The following FSTL4 variants were observed in gnomAD, a reference collection of about 807,000 sequenced individuals.
The protein encoded by FSTL4 is follistatin-related protein 4.
Under a neutral mutation model 78.2 loss-of-function variants are expected in FSTL4, and 28 were observed. That is an observed-to-expected ratio of 0.36 (90% CI 0.27 to 0.49). FSTL4 has a LOEUF of 0.49. Among genes scored for constraint, FSTL4 ranks in the 20% least tolerant of loss-of-function variants. The pLI, the probability that FSTL4 is intolerant of heterozygous loss-of-function variation, is 0.98. For missense variants in FSTL4, 922 were observed against 1,084.9 expected (o/e 0.85, Z 2.11); for synonymous variants, 422 against 440.5 (o/e 0.96, Z 0.53).
intron 4 of FSTL4, among the ~76,000 whole-genome samples, chr5:133,332,105 C>G (rs1411102111): frequency 6.6e-6 from 1 of 152,212 alleles, no homozygotes; most frequent in Non-Finnish European, 1.5e-5. Context: ...TGGGGATAAA[C>G]AGCAAACCAG....
the FSTL4 span, among the ~76,000 whole-genome samples, chr5:133,827,462 AGT>A: frequency 6.6e-6 from 1 of 152,136 alleles, no homozygotes; most frequent in Non-Finnish European, 1.5e-5. Context: ...GGATGCAGAT[AGT>A]CTTGGGACCA....
chr5:133,411,120 G>T (rs1580691582), intron 3 of FSTL4, among the ~76,000 whole-genome samples: 1 of 152,234 alleles, frequency 6.6e-6, no homozygotes, highest in East Asian at 1.9e-4. Context: ...AGCTCACAGG[G>T]TCAGCAATTG....
chr5:133,650,754 G>A, the FSTL4 span, among the ~76,000 whole-genome samples: 213 of 152,254 alleles, frequency 1.4e-3, no homozygotes, highest in Middle Eastern at 3.4e-3. Flanking sequence ...CTTCAACATT[G>A]TTCTGGCTAT....
rs577483945 is a variant in FSTL4, at chr5:133,556,775, C to A, written c.160+10411G>T. ...GCCCATTTAGAAGCAGCCAGCCCAG[C>A]GAGCCTCCACCAACCCCTTCCCAAG... On this transcript the variant is annotated intron_variant, in intron 3 of 15. Coordinates refer to ENST00000265342, the MANE Select transcript of FSTL4 (RefSeq NM_015082.2). 5.9e-5 allele frequency among the ~76,000 whole-genome samples: 9 copies of A among 152,180 alleles called. No homozygotes were observed. In the South Asian group the frequency reaches 1.9e-3, roughly 32 times the overall value.
intron 3 of FSTL4, among the ~76,000 whole-genome samples, chr5:133,558,664 G>A (rs1019575391): frequency 3.3e-5 from 5 of 151,554 alleles, no homozygotes; most frequent in African/African-American, 4.9e-5. Flanking sequence ...AGGCCCTGAC[G>A]CATTTCTTGG....
chr5:133,517,874 C>T (rs557722168), intron 3 of FSTL4, among the ~76,000 whole-genome samples: 10 of 152,232 alleles, frequency 6.6e-5, no homozygotes, highest in African/African-American at 2.2e-4. Flanking sequence ...CTCTTCTTTG[C>T]GGGAGCTAAG....
rs779188824 is a variant in FSTL4 at position 133,199,674 on chromosome 5, G to T, written c.1950C>A (p.Thr650=). 8.1e-6 allele frequency: 13 copies of T among 1,614,142 alleles called. No individual in the cohort carries two copies. Among genetic ancestry groups the T allele is most frequent in the Non-Finnish European group, 1.0e-5 (12 of 1,180,000 alleles). The part of the protein sequence containing the change: ...HGCVPQAMAH[T]HLGGYFFIQC... Reference sequence around the variant, plus strand: ...GGATGAAGAAGTAGCCGCCCAGGTGGGTGTGTGCCATGGCCTGGGGCACGC... The same window carrying T: ...GGATGAAGAAGTAGCCGCCCAGGTGTGTGTGTGCCATGGCCTGGGGCACGC... Residue 650 remains threonine, a synonymous_variant, in exon 16 of 16, where the codon ACC becomes ACA. Transcript: ENST00000265342. The surrounding 1 kb of genome is among the most constrained non-coding windows in gnomAD (Gnocchi z 4.4).
intron 4 of FSTL4, among the ~76,000 whole-genome samples, chr5:133,372,957 C>T (rs997593213): frequency 2.0e-5 from 3 of 152,070 alleles, no homozygotes; most frequent in Non-Finnish European, 4.4e-5. Context: ...TGCTATGGAC[C>T]GAATGTGTCT....
At chr5:133,322,126 T>G (rs1754074025) in intron 4 of FSTL4, among the ~76,000 whole-genome samples, 1 of 152,068 alleles carries the variant, frequency 6.6e-6, no homozygotes, top group Non-Finnish European at 1.5e-5. Flanking sequence ...CCCTATGCTC[T>G]GAACACAGCT....
At chr5:133,715,762 G>A in the FSTL4 span, among the ~76,000 whole-genome samples, 1 of 152,246 alleles carries the variant, frequency 6.6e-6, no homozygotes, top group Admixed American at 6.5e-5. Flanking sequence ...ACTTCACATC[G>A]TGGAATGCCT....
In FSTL4 at chr5:133,292,904, C is replaced by T. The variant is rs574458859; in HGVS notation, c.727+19750G>A. ...AGCTCCTGATTTAAGGGGCAGCCTT[C>T]GTGGTCTAGCTTCACTGTATTTCCC... On this transcript the variant is annotated intron_variant, in intron 6 of 15. Coordinates refer to ENST00000265342, the MANE Select transcript of FSTL4 (RefSeq NM_015082.2). Among the ~76,000 whole-genome samples, 6 of 152,340 alleles carry T rather than the reference C, an allele frequency of 3.9e-5. No homozygotes were observed. The East Asian group carries it at 1.2e-3, about 29-fold the overall frequency.
rs529766627 is a variant in FSTL4, at chr5:133,536,655, T to C, written c.160+30531A>G. On this transcript the variant is annotated intron_variant, in intron 3 of 15. Coordinates refer to ENST00000265342, the MANE Select transcript of FSTL4 (RefSeq NM_015082.2). ...TGATTATCCATGTATAATTTATGTA[T>C]AATAATTTTACTTGTTTTTGTCATT... is the stretch of plus-strand genomic sequence containing the variant. 2.6e-5 allele frequency among the ~76,000 whole-genome samples: 4 copies of C among 152,260 alleles called. No individual in the cohort carries two copies. In the East Asian group the frequency reaches 7.7e-4, roughly 29 times the overall value.
intron 3 of FSTL4, among the ~76,000 whole-genome samples, chr5:133,535,740 T>C (rs1413560891): frequency 1.3e-5 from 2 of 152,136 alleles, no homozygotes; most frequent in East Asian, 3.9e-4. Context: ...AGAACAAATG[T>C]CTGTTGCTTA....
the FSTL4 span, among the ~76,000 whole-genome samples, chr5:133,716,383 GAA>G: frequency 7.4e-6 from 1 of 134,644 alleles, no homozygotes; most frequent in South Asian, 2.3e-4. Context: ...GTTTATATAA[GAA>G]TATATATATA....
chr5:133,477,787 GTT>G (rs57998483), intron 3 of FSTL4, among the ~76,000 whole-genome samples: 3 of 151,356 alleles, frequency 2.0e-5, no homozygotes, highest in African/African-American at 7.3e-5. Context: ...TGCAAAAAAT[GTT>G]TTTTTTTCTT....
At chr5:133,204,923 C>T (rs1017378380) in intron 14 of FSTL4, among the ~76,000 whole-genome samples, 1 of 151,778 alleles carries the variant, frequency 6.6e-6, no homozygotes, top group Non-Finnish European at 1.5e-5. Flanking sequence ...TTTCCAGGAG[C>T]AGTTTTTGTG....
the FSTL4 span, among the ~76,000 whole-genome samples, chr5:133,632,394 A>G: frequency 6.6e-6 from 1 of 152,192 alleles, no homozygotes; most frequent in Non-Finnish European, 1.5e-5. Context: ...GCATTTACCC[A>G]TATTTCTGCT....
chr5:133,283,378 C>T (rs1002587437), intron 6 of FSTL4, among the ~76,000 whole-genome samples: 8 of 152,236 alleles, frequency 5.3e-5, no homozygotes, highest in Admixed American at 1.3e-4. Context: ...GACCTGGGCC[C>T]TGTCTTGGAA....
chr5:133,572,394 T>A (rs1197176251), intron 2 of FSTL4, among the ~76,000 whole-genome samples: 1 of 152,044 alleles, frequency 6.6e-6, no homozygotes, highest in Non-Finnish European at 1.5e-5. Flanking sequence ...CCCACCATCT[T>A]TAAAATTTGA....
Sources: allele counts gnomAD v4.1 joint callset (sites outside exome capture counted in the v4.1 genomes callset), GRCh38; gene constraint gnomAD v4.1.1; non-coding constraint Gnocchi (gnomAD v3.1); transcripts MANE v1.5; gene names NCBI Gene and HGNC (gene_info 2026-07-23, HGNC 2026-07-21).